The following KLRG2 variants were observed in gnomAD, a reference collection of about 807,000 sequenced individuals.
KLRG2 encodes killer cell lectin like receptor G2, also known as killer cell lectin-like receptor subfamily G member 2.
KLRG2 carries 39 observed loss-of-function variants against 35.4 expected under a neutral mutation model. That is an observed-to-expected ratio of 1.10 (90% confidence interval 0.85 to 1.44). The LOEUF is 1.44. KLRG2 is among the 40% of genes most tolerant of loss of function. The pLI, the probability that KLRG2 is intolerant of heterozygous loss-of-function variation, is 0.00. For missense variants in KLRG2, 632 were observed against 570.9 expected (o/e 1.11, Z -1.09); for synonymous variants, 283 against 265.8 (o/e 1.06, Z -0.63).
At chr7:139,436,041 A>G in the KLRG2 span, among the ~76,000 whole-genome samples, 2,045 of 152,018 alleles carry the variant, frequency 0.013, 48 homozygotes, top group African/African-American at 0.046. Context: ...AGCTGGGATT[A>G]CAGGTATGCA....
the KLRG2 span, among the ~76,000 whole-genome samples, chr7:139,443,453 C>T: frequency 6.6e-6 from 1 of 152,120 alleles, no homozygotes; most frequent in Non-Finnish European, 1.5e-5. Context: ...ACTTGATCAA[C>T]ATGCTGATAA....
At chr7:139,429,827 C>T in the KLRG2 span, among the ~76,000 whole-genome samples, 1 of 152,190 alleles carries the variant, frequency 6.6e-6, no homozygotes, top group African/African-American at 2.4e-5. Flanking sequence ...ACCTTCCCCC[C>T]CCTTTCTATT....
downstream of KLRG2, among the ~76,000 whole-genome samples, chr7:139,449,520 G>A (rs1310432854): frequency 6.6e-6 from 1 of 152,098 alleles, no homozygotes; most frequent in Non-Finnish European, 1.5e-5. Context: ...TATAAACACT[G>A]CACACTTGGG....
the KLRG2 span, among the ~76,000 whole-genome samples, chr7:139,443,992 G>A: frequency 6.6e-6 from 1 of 152,158 alleles, no homozygotes; most frequent in Non-Finnish European, 1.5e-5. Context: ...AGAGCCCCTG[G>A]CAAACCACTG....
chr7:139,433,472 T>C, the KLRG2 span, among the ~76,000 whole-genome samples: 1 of 152,178 alleles, frequency 6.6e-6, no homozygotes, highest in African/African-American at 2.4e-5. Context: ...ATTACAGGCA[T>C]GTGCCACCAC....
At chr7:139,437,763 T>G in the KLRG2 span, among the ~76,000 whole-genome samples, 1 of 152,014 alleles carries the variant, frequency 6.6e-6, no homozygotes, top group African/African-American at 2.4e-5. Flanking sequence ...CGGCCATCAT[T>G]AGTCATTTTT....
chr7:139,463,611 G>T lies in KLRG2; in HGVS notation c.1006-9397C>A, dbSNP rs562632469. 3.6e-4 allele frequency among the ~76,000 whole-genome samples: 55 copies of T among 152,326 alleles called. No homozygotes were observed. The East Asian group carries it at 9.1e-3, about 25-fold the overall frequency. Reference sequence around the variant, plus strand: ...GGGCCAAGGAATGCCCGCAGCCCAGGATTCCTCCTAAGCCGTGTCCCATGT... The same window carrying T: ...GGGCCAAGGAATGCCCGCAGCCCAGTATTCCTCCTAAGCCGTGTCCCATGT... On this transcript the variant is annotated intron_variant, in intron 3 of 4. Coordinates refer to ENST00000340940, the MANE Select transcript of KLRG2 (RefSeq NM_198508.4).
chr7:139,440,592 G>A, the KLRG2 span, among the ~76,000 whole-genome samples: 19 of 151,746 alleles, frequency 1.3e-4, no homozygotes, highest in African/African-American at 4.6e-4. Context: ...TAGTCAAATT[G>A]GATTAGGGCC....
intron 3 of KLRG2, among the ~76,000 whole-genome samples, chr7:139,465,691 C>CA (rs573464243): frequency 0.098 from 9,313 of 94,964 alleles, 778 homozygotes; most frequent in African/African-American, 0.25. Flanking sequence ...GACTCTGTCT[C>CA]AAAAAAAAAA....
At chr7:139,479,028 C>T (rs1456754557) in intron 3 of KLRG2, among the ~76,000 whole-genome samples, 1 of 152,122 alleles carries the variant, frequency 6.6e-6, no homozygotes, top group Admixed American at 6.5e-5. Flanking sequence ...AAGTTTGAAC[C>T]AGCCTGGCCA....
At chr7:139,448,256 A>G (rs11765844), downstream of KLRG2, among the ~76,000 whole-genome samples, 44,074 of 151,838 alleles carry the variant, frequency 0.29, 7,360 homozygotes, top group African/African-American at 0.46. Flanking sequence ...TCTGCCTCCT[A>G]AAGTCCTGTG....
At chr7:139,436,343 C>G in the KLRG2 span, among the ~76,000 whole-genome samples, 1 of 152,122 alleles carries the variant, frequency 6.6e-6, no homozygotes, top group Non-Finnish European at 1.5e-5. Context: ...AGGGAACCCC[C>G]CCCTTCACAC....
intron 3 of KLRG2, among the ~76,000 whole-genome samples, chr7:139,477,823 A>G (rs1796877189): frequency 6.6e-6 from 1 of 151,974 alleles, no homozygotes; most frequent in African/African-American, 2.4e-5. Flanking sequence ...CAGTGGCACA[A>G]TCTCGGCTCA....
At position 139,453,635 on chromosome 7, in the gene KLRG2, T is replaced by C. The variant is rs1055910916; in HGVS notation, c.1182A>G (p.Ala394=). 4 of 1,613,502 alleles carry C rather than the reference T, an allele frequency of 2.5e-6. No homozygotes were observed. The highest frequency in any genetic ancestry group is 3.4e-6 in the Non-Finnish European group (4 of 1,179,840). The change falls in exon 5 of 5, where the codon GCA becomes GCG. Residue 394 remains alanine (A), a synonymous_variant. Coordinates refer to ENST00000340940, the MANE Select transcript of KLRG2 (RefSeq NM_198508.4). The stretch of plus-strand genomic sequence containing the variant: ...CCCAGGGTCTTGGAGTGCTGCAGTT[T>C]GCAGCCACCAGCGTGCCTTCCTCCA... The part of the protein sequence containing the change: ...GALEEGTLVA[A]NCSTPRPWVC...
chr7:139,472,853 T>C (rs1318616094), intron 3 of KLRG2, among the ~76,000 whole-genome samples: 1 of 152,118 alleles, frequency 6.6e-6, no homozygotes, highest in Admixed American at 6.5e-5. Context: ...GTTAGGACCC[T>C]CCACCCCCAG....
chr7:139,454,495 T>A (rs957189127), intron 3 of KLRG2, among the ~76,000 whole-genome samples: 1 of 151,686 alleles, frequency 6.6e-6, no homozygotes, highest in Non-Finnish European at 1.5e-5. Flanking sequence ...GGGCATTGAG[T>A]GGGCAAAGAA....
At chr7:139,474,880 T>G (rs973937983) in intron 3 of KLRG2, among the ~76,000 whole-genome samples, 1 of 152,330 alleles carries the variant, frequency 6.6e-6, no homozygotes, top group South Asian at 2.1e-4. Context: ...GCTCCAGGCC[T>G]CAGATGCAGG....
At chr7:139,427,199 CAG>C in the KLRG2 span, among the ~76,000 whole-genome samples, 1 of 152,112 alleles carries the variant, frequency 6.6e-6, no homozygotes, top group Non-Finnish European at 1.5e-5. Context: ...GGAGAGCAGG[CAG>C]GGGTCTGTCA....
At chr7:139,431,145 C>CA in the KLRG2 span, among the ~76,000 whole-genome samples, 1 of 151,364 alleles carries the variant, frequency 6.6e-6, no homozygotes, top group Non-Finnish European at 1.5e-5. Flanking sequence ...AGGAATGAGA[C>CA]ACAAAAGAGT....
Sources: gnomAD v4.1 joint callset for allele counts (sites outside exome capture counted in the v4.1 genomes callset) on GRCh38, gnomAD v4.1.1 for gene constraint, MANE v1.5 for transcripts, NCBI Gene and HGNC (gene_info 2026-07-23, HGNC 2026-07-21) for gene names.